Variants in ARHGAP27 observed in about 807,000 individuals in gnomAD.
ARHGAP27 encodes rho GTPase-activating protein 27.
In ARHGAP27, 53 loss-of-function variants were observed where a neutral mutation model predicts 102.0. The observed-to-expected ratio is 0.52, with a 90% CI of 0.42 to 0.65. ARHGAP27 has a LOEUF of 0.65. Among genes scored for constraint, ARHGAP27 ranks in the 30% least tolerant of loss-of-function variants. ARHGAP27 has a pLI of 0.00. For synonymous variants in ARHGAP27, 525 were observed against 542.8 expected, an observed-to-expected ratio of 0.97 and a Z score of 0.46; for missense variants, 1,117 against 1,256.2, an observed-to-expected ratio of 0.89 and a Z score of 1.68.
chr17:45,395,745 G>A lies in ARHGAP27; in HGVS notation c.2491C>T (p.Arg831Trp). 3.1e-6 allele frequency: 5 copies of A among 1,592,592 alleles called. No individual in the cohort carries two copies. Among genetic ancestry groups the A allele is most frequent in the Non-Finnish European group, 3.4e-6 (4 of 1,173,458 alleles). Residue 831 changes from arginine to tryptophan, a missense_variant and splice_region_variant, in exon 19 of 20, where the codon CGG (arginine) becomes TGG (tryptophan). Transcript: ENST00000685559. The part of the protein sequence containing the change: ...TLRMLFQHLC[R>W]VIEHGEQNRM... ...TCCCGCGCGGGCCGCCCGGCTCACC[G>A]GCAGAGGTGCTGGAAGAGCATCCGC...
At chr17:45,419,310 A>C (rs1567726953) in intron 4 of ARHGAP27, among the ~76,000 whole-genome samples, 1 of 152,146 alleles carries the variant, frequency 6.6e-6, no homozygotes, top group African/African-American at 2.4e-5. Flanking sequence ...TAAAGATTTA[A>C]GTTTTTAAAA....
Position 45,396,215 on chromosome 17 carries a change from A to G in ARHGAP27, c.2243T>C (p.Val748Ala). ...LATIQKLRYK[V>A]DHDERLDLDD... is the part of the protein sequence containing the mutation. The stretch of plus-strand genomic sequence containing the variant: ...TTGGGGACGGGCCTCACCGTGGTCC[A>G]CCTTATAGCGTAGCTTCTGGATGGT... The change falls in exon 17 of 20, where the codon GTG (valine) becomes GCG (alanine). Residue 748 changes from valine (V) to alanine (A), a missense_variant. Transcript: ENST00000685559. The G allele has an allele frequency of 6.2e-7, 1 of 1,612,536 alleles. No individual in the cohort carries two copies. Among genetic ancestry groups the G allele is most frequent in the Non-Finnish European group, 8.5e-7 (1 of 1,179,082 alleles).
At chr17:45,402,689 CCTT>C in intron 12 of ARHGAP27, 22 bp downstream of exon 12, 2 of 1,582,838 alleles carry the variant, frequency 1.3e-6, no homozygotes, top group South Asian at 2.2e-5. Flanking sequence ...CCCCTTCCCT[CCTT>C]CTCCCCAACC....
rs1461452406 is a variant in ARHGAP27 at position 45,396,524 on chromosome 17, GCGTGGCACCCGGCTCCTCTCGCGCTCACA to G, written c.2107_2135del (p.Cys703LeufsTer35). 6.3e-7 allele frequency: 1 copy of G among 1,579,848 alleles called. No individual in the cohort carries two copies. Among genetic ancestry groups the G allele is most frequent in the Non-Finnish European group, 8.6e-7 (1 of 1,168,762 alleles). On this transcript the variant is annotated frameshift_variant, in exon 16 of 20. Transcript: ENST00000685559. LOFTEE classifies it high-confidence loss of function. ...CGGCGCGGATGCACTGCTGCACGAA[GCGTGGCACCCGGCTCCTCTCGCGCTCACA>G]CAGCGCGGCCAGCGCGCAGCCGAAC...
At chr17:45,410,187 G>C in intron 4 of ARHGAP27, 1 of 1,530,338 alleles carries the variant, frequency 6.5e-7, no homozygotes, top group Non-Finnish European at 8.7e-7. Flanking sequence ...AACAGGGCTT[G>C]TGGTAGAGGC....
intron 4 of ARHGAP27, among the ~76,000 whole-genome samples, chr17:45,406,796 C>G (rs542914546): frequency 1.3e-5 from 2 of 152,304 alleles, no homozygotes; most frequent in East Asian, 3.9e-4. Flanking sequence ...CACCCCACCC[C>G]ACTCTCAGCC....
At position 45,432,596 on chromosome 17, in the gene ARHGAP27, G is replaced by A. The variant is rs552825843; in HGVS notation, c.-285+156C>T. Among the ~76,000 whole-genome samples the A allele has an allele frequency of 3.0e-4, 45 of 152,188 alleles. 1 individual carries two copies. Among genetic ancestry groups the A allele is most frequent in the Admixed American group, 2.1e-3 (32 of 15,300 alleles). On this transcript the variant is annotated intron_variant, in intron 1 of 19. Coordinates refer to ENST00000685559, the MANE Select transcript of ARHGAP27 (RefSeq NM_001282290.2). ...GCCCGCGCAGCTCCCGCCCCAGCGC[G>A]GAGACAAGGGGAGCAGGCGCGCGGA...
At position 45,395,643 on chromosome 17, in the gene ARHGAP27, G is replaced by GGTT; in HGVS notation, c.2493-11_2493-10insAAC. ...GCCGTGCTCGATCACCCTGTGGCAGGGGTGGGTGGGTTCAGGGCTCCGAAC... is the reference window on the plus strand; with the variant it reads ...GCCGTGCTCGATCACCCTGTGGCAGGGTTGGTGGGTGGGTTCAGGGCTCCGAAC... On this transcript the variant is annotated splice_polypyrimidine_tract_variant and intron_variant, in intron 19 of 19. Transcript: ENST00000685559. 1 of 1,596,234 alleles carries GGTT rather than the reference G, an allele frequency of 6.3e-7. No individual in the cohort carries two copies. The highest frequency in any genetic ancestry group is 8.5e-7 in the Non-Finnish European group (1 of 1,172,140).
chr17:45,425,186 G>C (rs1428833089), intron 4 of ARHGAP27, among the ~76,000 whole-genome samples: 3 of 151,622 alleles, frequency 2.0e-5, no homozygotes, highest in Admixed American at 1.3e-4. Context: ...CAGGTGTAAA[G>C]AAACCAGCAG....
intron 4 of ARHGAP27, among the ~76,000 whole-genome samples, chr17:45,426,814 C>T (rs1430629255): frequency 1.3e-5 from 2 of 152,206 alleles, no homozygotes; most frequent in East Asian, 3.8e-4. Context: ...CTACTGACCA[C>T]TGCCCTCTGC....
At chr17:45,410,917 G>C (rs745863184) in intron 4 of ARHGAP27, among the ~76,000 whole-genome samples, 34 of 152,222 alleles carry the variant, frequency 2.2e-4, no homozygotes, top group Non-Finnish European at 4.0e-4. Context: ...CCAGCCCCGA[G>C]GAGGACAGGA....
At chr17:45,420,706 G>A (rs1199608633) in intron 4 of ARHGAP27, among the ~76,000 whole-genome samples, 2 of 152,042 alleles carry the variant, frequency 1.3e-5, no homozygotes, top group Non-Finnish European at 2.9e-5. Context: ...TGTAATCCCA[G>A]CACTTTGGGA....
intron 12 of ARHGAP27, 27 bp from the exon 13 acceptor site, chr17:45,398,074 T>A: frequency 6.3e-7 from 1 of 1,576,694 alleles, no homozygotes; most frequent in South Asian, 1.1e-5. Flanking sequence ...CAGTGGGTCA[T>A]CTCTGGTACC....
intron 5 of ARHGAP27, among the ~76,000 whole-genome samples, chr17:45,405,386 A>T (rs1160125554): frequency 2.0e-5 from 3 of 149,308 alleles, no homozygotes; most frequent in African/African-American, 7.5e-5. Context: ...AGAAGCGCTT[A>T]GAGGTAGCCC....
At chr17:45,398,928 G>A (rs1327516503) in intron 12 of ARHGAP27, among the ~76,000 whole-genome samples, 1 of 152,032 alleles carries the variant, frequency 6.6e-6, no homozygotes, top group African/African-American at 2.4e-5. Context: ...CTGCAGCCAG[G>A]AGTCCCCACC....
rs188239464 is a variant in ARHGAP27 at position 45,395,734 on chromosome 17, C to T, written c.2492+10G>A. 9,568 of 1,584,302 alleles carry T rather than the reference C, an allele frequency of 6.0e-3. 48 individuals carry two copies. The highest frequency in any genetic ancestry group is 0.021 in the East Asian group (908 of 43,306). On this transcript the variant is annotated intron_variant, in intron 19 of 19. Transcript: ENST00000685559. ...TGCCTCCCCCTTCCCGCGCGGGCCG[C>T]CCGGCTCACCGGCAGAGGTGCTGGA...
At chr17:45,413,908 C>T (rs1291190022) in intron 4 of ARHGAP27, among the ~76,000 whole-genome samples, 1 of 152,130 alleles carries the variant, frequency 6.6e-6, no homozygotes, top group Non-Finnish European at 1.5e-5. Context: ...GAGTTTCAGA[C>T]CAGCCTGGCC....
In ARHGAP27 at chr17:45,430,054, C is replaced by G. The variant is rs770847352; in HGVS notation, c.226G>C (p.Ala76Pro). The G allele has an allele frequency of 7.8e-7, 1 of 1,274,520 alleles. No homozygotes were observed. The highest frequency in any genetic ancestry group is 1.6e-5 in the African/African-American group (1 of 62,724). The allele number at this position is 1,274,520 out of a possible 1,614,324, so 79.0% of individuals were successfully genotyped here. The change falls in exon 4 of 20, where the codon GCC becomes CCC. Residue 76 changes from alanine (A) to proline (P), a missense_variant. Coordinates refer to ENST00000685559, the MANE Select transcript of ARHGAP27 (RefSeq NM_001282290.2). This position sits in a 1 kb window ranked among gnomAD's most constrained non-coding sequence, Gnocchi z 4.4. ...ELPALGNPAA[A>P]APPGPHPSPA... ...CTCGGGTGGGGACCTGGCGGCGCGG[C>G]GGCGGCAGGGTTGCCCAGCGCGGGC...
Position 45,430,608 on chromosome 17 carries a change from GGC to G in ARHGAP27, c.-18-313_-18-312del, listed in dbSNP as rs1481213172. Among the ~76,000 whole-genome samples, 2 of 152,150 alleles carry G rather than the reference GGC, an allele frequency of 1.3e-5. No homozygotes were observed. The highest frequency in any genetic ancestry group is 4.8e-5 in the African/African-American group (2 of 41,420). The stretch of plus-strand genomic sequence containing the variant: ...CCAAATCGACTGCGAGGGAAGCCTT[GGC>G]TTTAAAACGAGGGGTGATTGCCCGC... On this transcript the variant is annotated intron_variant, in intron 3 of 19. Coordinates refer to ENST00000685559, the MANE Select transcript of ARHGAP27 (RefSeq NM_001282290.2). This position sits in a 1 kb window ranked among gnomAD's most constrained non-coding sequence, Gnocchi z 4.4.
Sources: gnomAD v4.1 joint callset for allele counts (sites outside exome capture counted in the v4.1 genomes callset) on GRCh38, gnomAD v4.1.1 for gene constraint, Gnocchi (gnomAD v3.1) non-coding constraint, MANE v1.5 for transcripts, NCBI Gene and HGNC (gene_info 2026-07-23, HGNC 2026-07-21) for gene names.